The following EVI5L variants were observed in gnomAD, a reference collection of about 807,000 sequenced individuals.
The protein encoded by EVI5L is ecotropic viral integration site 5 like.
Under a neutral mutation model 106.1 loss-of-function variants are expected in EVI5L, and 30 were observed. That is an observed-to-expected ratio of 0.28 (90% CI 0.21 to 0.38). EVI5L has a LOEUF of 0.38. EVI5L is among the 10% of genes least tolerant of loss of function. The probability of loss-of-function intolerance (pLI) is 1.00; values close to 1 mark genes in which losing one functional copy is unlikely to be tolerated. For missense variants in EVI5L, 809 were observed against 1,098.0 expected (o/e 0.74, Z 3.72); for synonymous variants, 489 against 483.3 (o/e 1.01, Z -0.15).
At chr19:7,852,162 T>A (rs1979283041) in intron 8 of EVI5L, among the ~76,000 whole-genome samples, 1 of 151,892 alleles carries the variant, frequency 6.6e-6, no homozygotes, top group Non-Finnish European at 1.5e-5. Context: ...AGTTTGGGGG[T>A]CTAGGCAACC....
intron 1 of EVI5L, among the ~76,000 whole-genome samples, chr19:7,834,603 G>A (rs1481686527): frequency 6.6e-6 from 1 of 152,146 alleles, no homozygotes; most frequent in African/African-American, 2.4e-5. Flanking sequence ...AGGGCCTGTT[G>A]AAGAGGGGAA....
chr19:7,863,926 T>C lies in EVI5L; in HGVS notation c.*224T>C. 1.7e-6 allele frequency: 1 copy of C among 577,592 alleles called. No individual in the cohort carries two copies. The highest frequency in any genetic ancestry group is 2.8e-5 in the South Asian group (1 of 35,458). The allele number at this position is 577,592 out of a possible 1,614,324, so 35.8% of individuals were successfully genotyped here. On this transcript the variant is annotated 3_prime_UTR_variant, in exon 20 of 20. Transcript: ENST00000538904. The surrounding 1 kb of genome is among the most constrained non-coding windows in gnomAD (Gnocchi z 7.7). Reference sequence around the variant, plus strand: ...TATCCCCAGCAGTGTTTACCCATCTTGGTCTGTACCCCTCCGGGCCCTCTG... The same window carrying C: ...TATCCCCAGCAGTGTTTACCCATCTCGGTCTGTACCCCTCCGGGCCCTCTG...
intron 13 of EVI5L, among the ~76,000 whole-genome samples, chr19:7,859,871 C>T (rs947852990): frequency 2.0e-5 from 3 of 152,232 alleles, no homozygotes; most frequent in Non-Finnish European, 4.4e-5. Flanking sequence ...CACCGTCACA[C>T]GTGGATCTCA....
intron 1 of EVI5L, among the ~76,000 whole-genome samples, chr19:7,838,815 G>A (rs1481616065): frequency 6.6e-6 from 1 of 152,020 alleles, no homozygotes; most frequent in African/African-American, 2.4e-5. Context: ...GCTGGAAGAA[G>A]GGAGGTTGAC....
rs1005299787 is a variant in EVI5L at position 7,848,232 on chromosome 19, C to A, written c.327+311C>A. Among the ~76,000 whole-genome samples the A allele has an allele frequency of 1.3e-5, 2 of 151,970 alleles. No homozygotes were observed. The highest frequency in any genetic ancestry group is 4.8e-5 in the African/African-American group (2 of 41,438). ...CTTTGGGCGGCCAAGGTGGGAGGAT[C>A]GCTTGAGGCCAGGAGTTCGAGGCCA... On this transcript the variant is annotated intron_variant, in intron 3 of 19. Coordinates refer to ENST00000538904, the MANE Select transcript of EVI5L (RefSeq NM_001159944.3). The surrounding 1 kb of genome is among the most constrained non-coding windows in gnomAD (Gnocchi z 4.8).
Position 7,862,916 on chromosome 19 carries a change from C to G in EVI5L, c.1948-56C>G, listed in dbSNP as rs1979913035. The G allele has an allele frequency of 2.3e-6, 3 of 1,315,372 alleles. No homozygotes were observed. In the South Asian group the frequency reaches 3.9e-5, roughly 17 times the overall value. The allele number at this position is 1,315,372 out of a possible 1,614,324, so 81.5% of individuals were successfully genotyped here. On this transcript the variant is annotated intron_variant, in intron 17 of 19. Transcript: ENST00000538904. ...TCGCCCCTGCCCGCGGTCCCGCCCC[C>G]TGATGCGCCGCGCCCCCTGACCCGC...
Position 7,856,145 on chromosome 19 carries a change from G to C in EVI5L, c.1200+77G>C, listed in dbSNP as rs1979511925. On this transcript the variant is annotated intron_variant, in intron 11 of 19. Coordinates refer to ENST00000538904, the MANE Select transcript of EVI5L (RefSeq NM_001159944.3). The surrounding 1 kb of genome is among the most constrained non-coding windows in gnomAD (Gnocchi z 6.6). ...CATGCGGGGCATGGCCGCTAACCTG[G>C]GGTGGACTCCTCCAAGTCTTCTCCT... 1 of 1,265,456 alleles carries C rather than the reference G, an allele frequency of 7.9e-7. No individual in the cohort carries two copies. Among genetic ancestry groups the C allele is most frequent in the South Asian group, 3.2e-5 (1 of 31,134 alleles). 78.4% of individuals were successfully genotyped at this position (1,265,456 alleles called of 1,614,324 possible).
chr19:7,837,844 C>T (rs1978408756), intron 1 of EVI5L, among the ~76,000 whole-genome samples: 1 of 152,096 alleles, frequency 6.6e-6, no homozygotes, highest in African/African-American at 2.4e-5. Flanking sequence ...GCTGGGATTG[C>T]AGGCATGTGC....
Position 7,845,577 on chromosome 19 carries a change from C to T in EVI5L, c.-47-919C>T, listed in dbSNP as rs769694628. Among the ~76,000 whole-genome samples the T allele has an allele frequency of 2.6e-5, 4 of 152,164 alleles. No homozygotes were observed. Among genetic ancestry groups the T allele is most frequent in the African/African-American group, 4.8e-5 (2 of 41,424 alleles). On this transcript the variant is annotated intron_variant, in intron 1 of 19. Transcript: ENST00000538904. This position sits in a 1 kb window ranked among gnomAD's most constrained non-coding sequence, Gnocchi z 4.0. ...CTAGGTCCTGTATGATCTCAGTGTA[C>T]GGAGGCTCAGAGACACCAAGTGACT...
chr19:7,848,878 G>T lies in EVI5L; in HGVS notation c.328-43G>T, dbSNP rs757641818. 3.4e-5 allele frequency: 54 copies of T among 1,581,280 alleles called. 1 individual carries two copies. The South Asian group carries it at 5.6e-4, about 16-fold the overall frequency. On this transcript the variant is annotated intron_variant, in intron 3 of 19. Coordinates refer to ENST00000538904, the MANE Select transcript of EVI5L (RefSeq NM_001159944.3). This position sits in a 1 kb window ranked among gnomAD's most constrained non-coding sequence, Gnocchi z 4.8. ...GGCTGGGTGGCCACGGGGAGGCTGC[G>T]CTGGGACCGAGTCCAGCCCCCGCTT... is the stretch of plus-strand genomic sequence containing the variant.
At chr19:7,842,417 G>C (rs961724822) in intron 1 of EVI5L, among the ~76,000 whole-genome samples, 3 of 115,494 alleles carry the variant, frequency 2.6e-5, no homozygotes, top group Non-Finnish European at 5.8e-5. Context: ...TGTGTATCAA[G>C]TGTGTGCATG....
At chr19:7,842,382 G>GGGGA (rs1485805750) in intron 1 of EVI5L, among the ~76,000 whole-genome samples, 1 of 30,916 alleles carries the variant, frequency 3.2e-5, no homozygotes, top group Non-Finnish European at 7.8e-5. Flanking sequence ...GCATGTGTGT[G>GGGGA]CATGTCTGTG....
At chr19:7,844,163 CA>C (rs1185628003) in intron 1 of EVI5L, among the ~76,000 whole-genome samples, 1 of 151,468 alleles carries the variant, frequency 6.6e-6, no homozygotes, top group Non-Finnish European at 1.5e-5. Context: ...CCAGCCTGAC[CA>C]ACATGGTGAA....
intron 1 of EVI5L, among the ~76,000 whole-genome samples, chr19:7,840,462 G>A (rs1403727106): frequency 6.6e-6 from 1 of 152,086 alleles, no homozygotes; most frequent in Admixed American, 6.6e-5. Flanking sequence ...TGGGCAACAA[G>A]AGCAAAACTC....
rs551462 is a variant in EVI5L, at chr19:7,850,791, T to C, written c.754-643T>C. Among the ~76,000 whole-genome samples the C allele has an allele frequency of 0.73, 110,848 of 152,010 alleles. 40,906 individuals carry two copies. Among genetic ancestry groups the C allele is most frequent in the South Asian group, 0.84 (4,039 of 4,824 alleles). On this transcript the variant is annotated intron_variant, in intron 6 of 19. Coordinates refer to ENST00000538904, the MANE Select transcript of EVI5L (RefSeq NM_001159944.3). The surrounding 1 kb of genome is among the most constrained non-coding windows in gnomAD (Gnocchi z 5.4). ...GCTGCAGAGAAGGCACCACCCCACCTCAGGCTGGGTAGCAGAGCCCTCCCA... is the reference window on the plus strand; with the variant it reads ...GCTGCAGAGAAGGCACCACCCCACCCCAGGCTGGGTAGCAGAGCCCTCCCA...
rs143084210 is a variant in EVI5L, at chr19:7,848,820, T to C, written c.328-101T>C. On this transcript the variant is annotated intron_variant, in intron 3 of 19. Coordinates refer to ENST00000538904, the MANE Select transcript of EVI5L (RefSeq NM_001159944.3). The surrounding 1 kb of genome is among the most constrained non-coding windows in gnomAD (Gnocchi z 4.8). The stretch of plus-strand genomic sequence containing the variant: ...GGGGACCATGAGTTCTGTGCCATGC[T>C]TGAGGCCTGGATGAGCCACGCCTGA... 3,347 of 1,090,568 alleles carry C rather than the reference T, an allele frequency of 3.1e-3. 10 individuals carry two copies. The highest frequency in any genetic ancestry group is 3.9e-3 in the Non-Finnish European group (2,925 of 751,732). 67.6% of individuals were successfully genotyped at this position (1,090,568 alleles called of 1,614,324 possible).
chr19:7,862,503 G>T lies in EVI5L; in HGVS notation c.1916G>T (p.Ser639Ile). The stretch of plus-strand genomic sequence containing the variant: ...GGGCTGCAGACGCAGCTCAGCGAAA[G>T]CCGCCGCAAGCAGGCCGAGGCCGAG... ...NKGLQTQLSE[S>I]RRKQAEAECK... Residue 639 changes from serine to isoleucine, a missense_variant, in exon 17 of 20, where the codon AGC becomes ATC. Coordinates refer to ENST00000538904, the MANE Select transcript of EVI5L (RefSeq NM_001159944.3). The T allele has an allele frequency of 6.4e-7, 1 of 1,564,506 alleles. No homozygotes were observed. The highest frequency in any genetic ancestry group is 8.6e-7 in the Non-Finnish European group (1 of 1,156,418).
chr19:7,832,423 G>A (rs1978297480), intron 1 of EVI5L, among the ~76,000 whole-genome samples: 1 of 152,226 alleles, frequency 6.6e-6, no homozygotes, highest in Non-Finnish European at 1.5e-5. Context: ...TTCACTAGCG[G>A]ATTGTGGACC....
rs189001183 is a variant in EVI5L, at chr19:7,853,432, G to C, written c.1146+99G>C. On this transcript the variant is annotated intron_variant, in intron 10 of 19. Transcript: ENST00000538904. The stretch of plus-strand genomic sequence containing the variant: ...GGCCGCTAGGGGGCGGGCCTTCCCA[G>C]CGCACAGGCGGACCCGGCGGTCCTT... 562 of 1,485,452 alleles carry C rather than the reference G, an allele frequency of 3.8e-4. 3 individuals are homozygous for C. Among genetic ancestry groups the C allele is most frequent in the Middle Eastern group, 1.7e-3 (7 of 4,234 alleles). The allele number at this position is 1,485,452 out of a possible 1,614,324, so 92.0% of individuals were successfully genotyped here.
Sources: allele counts gnomAD v4.1 joint callset (sites outside exome capture counted in the v4.1 genomes callset), GRCh38; gene constraint gnomAD v4.1.1; non-coding constraint Gnocchi (gnomAD v3.1); transcripts MANE v1.5; gene names NCBI Gene and HGNC (gene_info 2026-07-23, HGNC 2026-07-21).